Variants in CSMD3 observed in about 807,000 individuals in gnomAD.
CSMD3 encodes CUB and sushi domain-containing protein 3.
Under a neutral mutation model 435.2 loss-of-function variants are expected in CSMD3, and 177 were observed. The ratio of observed to expected loss-of-function variants is 0.41; its 90% CI spans 0.36 to 0.46. The LOEUF is 0.46. Among genes scored for constraint, CSMD3 ranks in the 20% least tolerant of loss-of-function variants. CSMD3 has a pLI of 0.34. For synonymous variants in CSMD3, 1,656 were observed against 1,520.5 expected (o/e 1.09, Z -2.07); for missense variants, 4,265 against 4,504.6 (o/e 0.95, Z 1.52).
chr8:112,993,784 G>A (rs555981629), intron 6 of CSMD3, among the ~76,000 whole-genome samples: 4 of 151,724 alleles, frequency 2.6e-5, no homozygotes, highest in East Asian at 3.9e-4. Flanking sequence ...ACACAAAAAG[G>A]GGCCAACCAT....
At chr8:112,338,885 A>C (rs1033069186) in intron 42 of CSMD3, among the ~76,000 whole-genome samples, 1 of 152,150 alleles carries the variant, frequency 6.6e-6, no homozygotes, top group African/African-American at 2.4e-5. Context: ...ATACCCTTTC[A>C]ATTTCTACTC....
rs748879843 is a variant in CSMD3 at position 112,888,409 on chromosome 8, C to T, written c.1634-29143G>A. Among the ~76,000 whole-genome samples, 4 of 151,550 alleles carry T rather than the reference C, an allele frequency of 2.6e-5. No individual in the cohort carries two copies. The East Asian group carries it at 5.9e-4, about 22-fold the overall frequency. The stretch of plus-strand genomic sequence containing the variant: ...CCACAAAATTACCTGTCTTAGACTA[C>T]GTTACTCAGAAACTATGCATGAATC... On this transcript the variant is annotated intron_variant, in intron 10 of 70. Transcript: ENST00000297405.
chr8:112,930,498 G>A (rs1356007248), intron 9 of CSMD3, among the ~76,000 whole-genome samples: 21 of 152,040 alleles, frequency 1.4e-4, no homozygotes. Flanking sequence ...CCACCTCAGA[G>A]TAGGGAAACA....
intron 27 of CSMD3, among the ~76,000 whole-genome samples, chr8:112,525,163 G>A (rs1467235280): frequency 2.0e-5 from 3 of 151,438 alleles, no homozygotes; most frequent in Admixed American, 1.3e-4. Context: ...TAAGCAGTAC[G>A]TAAACATTTC....
intron 3 of CSMD3, among the ~76,000 whole-genome samples, chr8:113,195,679 G>A (rs955336603): frequency 4.7e-5 from 7 of 149,450 alleles, no homozygotes; most frequent in South Asian, 2.1e-4. Flanking sequence ...CTAATGGTGC[G>A]TAAAAGTTAC....
At chr8:113,098,594 C>T (rs1489294306) in intron 5 of CSMD3, 162 bp downstream of exon 5, 6 of 611,126 alleles carry the variant, frequency 9.8e-6, no homozygotes, top group East Asian at 2.8e-5. Flanking sequence ...GTAAATAGCT[C>T]GATCTTCAAA....
intron 12 of CSMD3, among the ~76,000 whole-genome samples, chr8:112,807,049 G>A (rs1234548929): frequency 6.6e-6 from 1 of 152,170 alleles, no homozygotes; most frequent in Non-Finnish European, 1.5e-5. Flanking sequence ...AATAAGATAT[G>A]CTGACCCATG....
At chr8:113,152,847 T>G (rs1473385169) in intron 4 of CSMD3, among the ~76,000 whole-genome samples, 1 of 151,622 alleles carries the variant, frequency 6.6e-6, no homozygotes, top group Non-Finnish European at 1.5e-5. Flanking sequence ...GGCATATGCC[T>G]GTAGTTCCAG....
At chr8:112,855,432 T>G (rs918392249) in intron 11 of CSMD3, among the ~76,000 whole-genome samples, 1 of 152,146 alleles carries the variant, frequency 6.6e-6, no homozygotes, top group African/African-American at 2.4e-5. Context: ...GTGCATGATA[T>G]TTTATAAATG....
At chr8:112,541,448 G>C (rs1261333965) in intron 27 of CSMD3, among the ~76,000 whole-genome samples, 2 of 151,626 alleles carry the variant, frequency 1.3e-5, no homozygotes, top group South Asian at 2.1e-4. Flanking sequence ...AGAAATAAGA[G>C]ACATAAGAGA....
chr8:113,381,382 G>T (rs2094414819), intron 1 of CSMD3, among the ~76,000 whole-genome samples: 1 of 152,140 alleles, frequency 6.6e-6, no homozygotes, highest in Non-Finnish European at 1.5e-5. Context: ...TTAAAGGCCT[G>T]AAGTTTATTC....
chr8:112,918,335 C>A (rs1277007670), intron 10 of CSMD3, among the ~76,000 whole-genome samples: 1 of 151,762 alleles, frequency 6.6e-6, no homozygotes, highest in East Asian at 1.9e-4. Flanking sequence ...TTTTCTCATC[C>A]TCCCTTAATT....
intron 22 of CSMD3, among the ~76,000 whole-genome samples, chr8:112,592,659 G>C (rs963990818): frequency 6.6e-6 from 1 of 151,974 alleles, no homozygotes; most frequent in African/African-American, 2.4e-5. Flanking sequence ...ATCATTTTCT[G>C]TCAAAAATAT....
chr8:112,985,839 A>G (rs555675348), intron 6 of CSMD3, among the ~76,000 whole-genome samples: 1 of 152,300 alleles, frequency 6.6e-6, no homozygotes, highest in South Asian at 2.1e-4. Flanking sequence ...TCATTGCAAG[A>G]AAACAAGGTC....
At chr8:113,321,292 T>G (rs1010498237) in intron 1 of CSMD3, among the ~76,000 whole-genome samples, 8 of 152,142 alleles carry the variant, frequency 5.3e-5, no homozygotes, top group Non-Finnish European at 1.2e-4. Flanking sequence ...ATTTTTGTTT[T>G]TATATTGCTG....
At chr8:113,283,959 C>T (rs2093628973) in intron 2 of CSMD3, among the ~76,000 whole-genome samples, 1 of 152,060 alleles carries the variant, frequency 6.6e-6, no homozygotes, top group Non-Finnish European at 1.5e-5. Context: ...AGACTGGAGA[C>T]TATTATTCTA....
chr8:113,318,096 C>T (rs2093923379), intron 1 of CSMD3, among the ~76,000 whole-genome samples: 1 of 152,052 alleles, frequency 6.6e-6, no homozygotes, highest in Non-Finnish European at 1.5e-5. Context: ...GGCATATATC[C>T]TTGTGCACTT....
chr8:113,300,197 A>C (rs1473081517), intron 2 of CSMD3, among the ~76,000 whole-genome samples: 1 of 150,942 alleles, frequency 6.6e-6, no homozygotes, highest in Non-Finnish European at 1.5e-5. Context: ...GTTGGTGTGA[A>C]TGCGAAGAAA....
intron 38 of CSMD3, among the ~76,000 whole-genome samples, chr8:112,369,143 A>G (rs1365225759): frequency 1.3e-5 from 2 of 152,140 alleles, no homozygotes. Context: ...GTAGTCATAG[A>G]CAAGTCAATG....
Sources: gnomAD v4.1 joint callset for allele counts (sites outside exome capture counted in the v4.1 genomes callset) on GRCh38, gnomAD v4.1.1 for gene constraint, MANE v1.5 for transcripts, NCBI Gene and HGNC (gene_info 2026-07-23, HGNC 2026-07-21) for gene names.